Variants in ARMH1 observed in about 807,000 individuals in gnomAD.
ARMH1 encodes armadillo like helical domain containing 1.
A neutral mutation model predicts 50.2 loss-of-function variants in ARMH1; 34 were observed. The ratio of observed to expected loss-of-function variants is 0.68; its 90% CI spans 0.51 to 0.90. The LOEUF is 0.90. Among genes scored for constraint, ARMH1 ranks in the 40% least tolerant of loss-of-function variants. The probability of loss-of-function intolerance (pLI) is 0.00; values close to 1 mark genes in which losing one functional copy is unlikely to be tolerated. For synonymous variants in ARMH1, 221 were observed against 224.2 expected (o/e 0.99, Z 0.13); for missense variants, 538 against 553.9 (o/e 0.97, Z 0.29).
chr1:44,675,231 C>G (rs935986337), intron 1 of ARMH1, among the ~76,000 whole-genome samples: 1 of 152,284 alleles, frequency 6.6e-6, no homozygotes, highest in South Asian at 2.1e-4. Flanking sequence ...TGAAGCAACT[C>G]TGATTCTGCG....
At position 44,724,779 on chromosome 1, in the gene ARMH1, C is replaced by G. The variant is rs1648023795; in HGVS notation, c.1068C>G (p.Phe356Leu). Residue 356 changes from phenylalanine to leucine, a missense_variant, in exon 10 of 12, where the codon TTC (phenylalanine) becomes TTG (leucine). Phe to Leu is a conservative substitution (Grantham distance 22, BLOSUM62 0). Transcript: ENST00000535358. The surrounding 1 kb of genome is among the most constrained non-coding windows in gnomAD (Gnocchi z 6.4). ...SLTLECFVQM[F>L]PLVAEHVRKC... ...CGGCGCAGTGCTTCGTGCAGATGTT[C>G]CCCTTGGTGGCGGAGCACGTGCGCA... is the stretch of plus-strand genomic sequence containing the variant. 1.9e-6 allele frequency: 3 copies of G among 1,544,146 alleles called. No homozygotes were observed. The South Asian group carries it at 3.6e-5, about 18-fold the overall frequency.
chr1:44,685,840 A>G (rs893638444), intron 1 of ARMH1, among the ~76,000 whole-genome samples: 3 of 151,932 alleles, frequency 2.0e-5, no homozygotes, highest in African/African-American at 7.3e-5. Context: ...GTTGGCCAGG[A>G]TGGTCTTGAT....
chr1:44,697,441 T>A (rs1645865733), intron 3 of ARMH1, among the ~76,000 whole-genome samples: 1 of 152,158 alleles, frequency 6.6e-6, no homozygotes, highest in South Asian at 2.1e-4. Context: ...GGAAAATTAG[T>A]GGCTCACTTA....
chr1:44,719,357 C>T (rs1369361579), intron 6 of ARMH1, among the ~76,000 whole-genome samples: 1 of 152,214 alleles, frequency 6.6e-6, no homozygotes, highest in African/African-American at 2.4e-5. Context: ...TTCGAGGAGG[C>T]AGGCTGGTTC....
intron 2 of ARMH1, among the ~76,000 whole-genome samples, chr1:44,695,944 CA>C (rs11351390): frequency 0.93 from 113,219 of 121,620 alleles, 52,876 homozygotes; most frequent in East Asian, 0.98. Context: ...GACCCTATCT[CA>C]AAAAAAAAAA....
At chr1:44,725,049 C>G in intron 10 of ARMH1, 87 bp from the exon 11 acceptor site, 26 of 1,538,860 alleles carry the variant, frequency 1.7e-5, no homozygotes, top group South Asian at 2.4e-5. Context: ...GACCCGCCCC[C>G]CACCTGCAAC....
intron 6 of ARMH1, among the ~76,000 whole-genome samples, chr1:44,711,058 T>C (rs974206674): frequency 6.6e-6 from 1 of 152,254 alleles, no homozygotes; most frequent in Non-Finnish European, 1.5e-5. Context: ...TAATATTCCG[T>C]TGTATGTATC....
chr1:44,703,851 G>C (rs1020120154), intron 5 of ARMH1, among the ~76,000 whole-genome samples: 11 of 150,834 alleles, frequency 7.3e-5, no homozygotes, highest in African/African-American at 2.7e-4. Flanking sequence ...CTCAGCCTCA[G>C]GAGTAGCTGG....
chr1:44,694,834 T>C (rs2148633838), intron 2 of ARMH1, among the ~76,000 whole-genome samples: 1 of 152,254 alleles, frequency 6.6e-6, no homozygotes, highest in South Asian at 2.1e-4. Context: ...CTTTTTATGT[T>C]CTAGGCACTG....
In ARMH1 at chr1:44,725,166, G is replaced by A; in HGVS notation, c.1159G>A (p.Asp387Asn). ...SNAEDLYMKI[D>N]SIQADILAAN... ...CGCTGAGGACTTGTACATGAAAATAGACAGCATTCAGGCGGACATCTTGGC... is the reference window on the plus strand; with the variant it reads ...CGCTGAGGACTTGTACATGAAAATAAACAGCATTCAGGCGGACATCTTGGC... Residue 387 changes from aspartate (D) to asparagine (N), a missense_variant, in exon 11 of 12, where the codon GAC (aspartate) becomes AAC (asparagine). Coordinates refer to ENST00000535358, the MANE Select transcript of ARMH1 (RefSeq NM_001145636.2). 6.4e-7 allele frequency: 1 copy of A among 1,552,046 alleles called. No individual in the cohort carries two copies. Among genetic ancestry groups the A allele is most frequent in the Non-Finnish European group, 8.7e-7 (1 of 1,147,052 alleles).
At chr1:44,721,887 AG>A (rs1557570251) in intron 6 of ARMH1, 61 of 152,340 alleles carry the variant, frequency 4.0e-4, no homozygotes, top group African/African-American at 1.4e-3. Context: ...TTCGTTATGA[AG>A]AGAAACCAGA....
chr1:44,720,151 C>T (rs940103105), intron 6 of ARMH1, among the ~76,000 whole-genome samples: 8 of 141,924 alleles, frequency 5.6e-5, no homozygotes, highest in African/African-American at 2.2e-4. Flanking sequence ...GAGCCAAGAT[C>T]GTGCCATTGC....
rs140603688 is a variant in ARMH1, at chr1:44,688,953, G to C, written c.-22-723G>C. On this transcript the variant is annotated intron_variant, in intron 1 of 11. Transcript: ENST00000535358. ...CAAGGTTAAGGAGCACTTTAACTTA[G>C]GTGATTGGCATAAGAGGGAGGCCAT... Among the ~76,000 whole-genome samples, 1,345 of 152,276 alleles carry C rather than the reference G, an allele frequency of 8.8e-3. 21 individuals are homozygous for C. The highest frequency in any genetic ancestry group is 0.03 in the African/African-American group (1,251 of 41,540).
intron 1 of ARMH1, among the ~76,000 whole-genome samples, chr1:44,678,195 C>A (rs1573265335): frequency 6.6e-6 from 1 of 152,094 alleles, no homozygotes; most frequent in South Asian, 2.1e-4. Flanking sequence ...TGGTTGACCT[C>A]GCCAGTTACA....
At chr1:44,693,151 G>T (rs1194459932) in intron 2 of ARMH1, 3 of 152,178 alleles carry the variant, frequency 2.0e-5, no homozygotes, top group African/African-American at 4.8e-5. Context: ...GTGGAACCCT[G>T]GACCCTTATT....
Position 44,683,389 on chromosome 1 carries a change from G to A in ARMH1, c.-22-6287G>A, listed in dbSNP as rs560707894. Among the ~76,000 whole-genome samples the A allele has an allele frequency of 1.5e-4, 23 of 152,280 alleles. No individual in the cohort carries two copies. Among genetic ancestry groups the A allele is most frequent in the South Asian group, 1.0e-3 (5 of 4,824 alleles). On this transcript the variant is annotated intron_variant, in intron 1 of 11. Coordinates refer to ENST00000535358, the MANE Select transcript of ARMH1 (RefSeq NM_001145636.2). The surrounding 1 kb of genome is among the most constrained non-coding windows in gnomAD (Gnocchi z 4.2). ...GACTGAGGAGACGGATTTGAGAGTC[G>A]TGCGCCTATAAATGTAATTTGAAGT...
In ARMH1 at chr1:44,707,673, C is replaced by T. The variant is rs559822172; in HGVS notation, c.724+3500C>T. On this transcript the variant is annotated intron_variant, in intron 6 of 11. Transcript: ENST00000535358. ...CTGGGCTCAAGTGATCCTCCTGCCT[C>T]CACATTCCAAAGTGCTGGGATCACA... 2.0e-5 allele frequency among the ~76,000 whole-genome samples: 3 copies of T among 152,312 alleles called. No homozygotes were observed. The South Asian group carries it at 6.2e-4, about 32-fold the overall frequency.
intron 1 of ARMH1, among the ~76,000 whole-genome samples, chr1:44,675,817 G>A (rs891503599): frequency 1.3e-5 from 2 of 151,912 alleles, no homozygotes; most frequent in East Asian, 1.9e-4. Context: ...AAAATTAGCC[G>A]GGCATGGTGG....
chr1:44,678,446 C>CAGGGGT (rs1645205051), intron 1 of ARMH1, among the ~76,000 whole-genome samples: 1 of 151,704 alleles, frequency 6.6e-6, no homozygotes, highest in Non-Finnish European at 1.5e-5. Flanking sequence ...TGATGAGTAG[C>CAGGGGT]AGGGGTAGGG....
Sources: gnomAD v4.1 joint callset for allele counts (sites outside exome capture counted in the v4.1 genomes callset) on GRCh38, gnomAD v4.1.1 for gene constraint, Gnocchi (gnomAD v3.1) non-coding constraint, MANE v1.5 for transcripts, NCBI Gene and HGNC (gene_info 2026-07-23, HGNC 2026-07-21) for gene names.